ST8SIA1: variants seen among roughly 807,000 people sequenced by gnomAD.
The protein encoded by ST8SIA1 is alpha-N-acetylneuraminide alpha-2,8-sialyltransferase.
Under a neutral mutation model 35.9 loss-of-function variants are expected in ST8SIA1, and 16 were observed. The observed-to-expected ratio is 0.45, with a 90% confidence interval of 0.30 to 0.68. ST8SIA1 has a LOEUF of 0.68. Among genes scored for constraint, ST8SIA1 ranks in the 30% least tolerant of loss-of-function variants. The pLI is 0.09. For missense variants in ST8SIA1, 383 were observed against 453.6 expected (o/e 0.84, Z 1.41); for synonymous variants, 170 against 169.6 (o/e 1.00, Z -0.02).
At chr12:22,217,872 A>C (rs1377425691) in intron 4 of ST8SIA1, among the ~76,000 whole-genome samples, 1 of 152,214 alleles carries the variant, frequency 6.6e-6, no homozygotes, top group Non-Finnish European at 1.5e-5. Context: ...ATTAATAGGA[A>C]ACCACTTCCT....
intron 4 of ST8SIA1, among the ~76,000 whole-genome samples, chr12:22,234,450 T>C (rs1220248901): frequency 6.6e-6 from 1 of 152,160 alleles, no homozygotes; most frequent in Non-Finnish European, 1.5e-5. Context: ...GACAATCATT[T>C]TGCACACATC....
At chr12:22,232,891 T>C (rs1489932881) in intron 4 of ST8SIA1, among the ~76,000 whole-genome samples, 4 of 152,026 alleles carry the variant, frequency 2.6e-5, no homozygotes, top group African/African-American at 7.2e-5. Context: ...CTAAACAGCA[T>C]TGACTTGGAA....
intron 1 of ST8SIA1, among the ~76,000 whole-genome samples, chr12:22,329,755 G>A (rs761909447): frequency 2.6e-5 from 4 of 152,140 alleles, no homozygotes; most frequent in South Asian, 2.1e-4. Context: ...GAAAACAGTC[G>A]TTTGTTCAAA....
rs560705104 is a variant in ST8SIA1, at chr12:22,221,409, G to A, written c.585-19371C>T. Among the ~76,000 whole-genome samples the A allele has an allele frequency of 1.6e-4, 24 of 152,210 alleles. 1 individual carries two copies. The South Asian group carries it at 4.8e-3, about 30-fold the overall frequency. Reference sequence around the variant, plus strand: ...AGGTTGAGATGCAAAAAGAGAAAAAGAACAAAAATCATTTTCCTTCCTATC... The same window carrying A: ...AGGTTGAGATGCAAAAAGAGAAAAAAAACAAAAATCATTTTCCTTCCTATC... On this transcript the variant is annotated intron_variant, in intron 4 of 4. Transcript: ENST00000396037.
Position 22,244,769 on chromosome 12 carries a change from T to C in ST8SIA1, c.584+4237A>G, listed in dbSNP as rs184194243. On this transcript the variant is annotated intron_variant, in intron 4 of 4. Coordinates refer to ENST00000396037, the MANE Select transcript of ST8SIA1 (RefSeq NM_003034.4). Reference sequence around the variant, plus strand: ...GCCCAGCAACTTCATTTTTAGGTCTTAACCACCTGAAAATAATTTTTGGTA... The same window carrying C: ...GCCCAGCAACTTCATTTTTAGGTCTCAACCACCTGAAAATAATTTTTGGTA... 3.0e-4 allele frequency among the ~76,000 whole-genome samples: 46 copies of C among 152,324 alleles called. 1 individual carries two copies. The East Asian group carries it at 7.0e-3, about 23-fold the overall frequency.
intron 2 of ST8SIA1, among the ~76,000 whole-genome samples, chr12:22,263,007 C>T (rs890503630): frequency 7.2e-5 from 11 of 152,058 alleles, no homozygotes; most frequent in Non-Finnish European, 1.3e-4. Flanking sequence ...TCAGAATCCC[C>T]GAAGCAACCA....
chr12:22,286,548 C>A (rs368721091), intron 2 of ST8SIA1: 2 of 516,684 alleles, frequency 3.9e-6, no homozygotes, highest in Non-Finnish European at 7.7e-6. Context: ...TTTCCCTTTT[C>A]CCCCCTCTTG....
chr12:22,215,032 T>C (rs1865220419), intron 4 of ST8SIA1, among the ~76,000 whole-genome samples: 1 of 152,138 alleles, frequency 6.6e-6, no homozygotes, highest in Admixed American at 6.6e-5. Flanking sequence ...GTCCTGTGAA[T>C]TCATTCCCTG....
At chr12:22,265,673 T>A (rs577000961) in intron 2 of ST8SIA1, among the ~76,000 whole-genome samples, 1 of 152,142 alleles carries the variant, frequency 6.6e-6, no homozygotes, top group African/African-American at 2.4e-5. Flanking sequence ...AGCCTAGAAA[T>A]CTCAGAGCCA....
intron 4 of ST8SIA1, among the ~76,000 whole-genome samples, chr12:22,209,599 T>A (rs2120630362): frequency 6.6e-6 from 1 of 152,304 alleles, no homozygotes. Flanking sequence ...TATGCACACC[T>A]ATTGACCCTG....
chr12:22,202,371 G>T (rs1279851961), intron 4 of ST8SIA1, among the ~76,000 whole-genome samples: 1 of 152,180 alleles, frequency 6.6e-6, no homozygotes, highest in Non-Finnish European at 1.5e-5. Context: ...CCTGAAGGTT[G>T]TTGGCTGGGA....
At chr12:22,224,882 C>G (rs192372037) in intron 4 of ST8SIA1, among the ~76,000 whole-genome samples, 16 of 152,240 alleles carry the variant, frequency 1.1e-4, no homozygotes, top group Non-Finnish European at 1.8e-4. Flanking sequence ...GAAACAGGAT[C>G]TTTGTAGATA....
chr12:22,197,755 C>T lies in ST8SIA1; in HGVS notation c.*3797G>A, dbSNP rs893866166. On this transcript the variant is annotated 3_prime_UTR_variant, in exon 5 of 5. Transcript: ENST00000396037. ...TATAGCCTAAACAATTTTTTTTAGCCAAGAGAAAGACATGAGACATCACAA... is the reference window on the plus strand; with the variant it reads ...TATAGCCTAAACAATTTTTTTTAGCTAAGAGAAAGACATGAGACATCACAA... 2 of 151,932 alleles carry T rather than the reference C, an allele frequency of 1.3e-5. No homozygotes were observed. Among genetic ancestry groups the T allele is most frequent in the Non-Finnish European group, 2.9e-5 (2 of 67,994 alleles). The allele number at this position is 151,932 out of a possible 1,614,324, so 9.4% of individuals were successfully genotyped here.
chr12:22,194,104 CTT>C lies in ST8SIA1; in HGVS notation c.*7446_*7447del, dbSNP rs1162628582. 2 of 152,112 alleles carry C rather than the reference CTT, an allele frequency of 1.3e-5. No homozygotes were observed. Among genetic ancestry groups the C allele is most frequent in the Non-Finnish European group, 2.9e-5 (2 of 68,032 alleles). 9.4% of individuals were successfully genotyped at this position (152,112 alleles called of 1,614,324 possible). On this transcript the variant is annotated 3_prime_UTR_variant, in exon 5 of 5. Transcript: ENST00000396037. ...TTTTTGATGGAGCTATATTTGTTCT[CTT>C]CTCTCTAGTGTCTCTATGATGTACC...
rs552213321 is a variant in ST8SIA1 at position 22,257,327 on chromosome 12, T to A, written c.382-1938A>T. 1.2e-4 allele frequency among the ~76,000 whole-genome samples: 18 copies of A among 151,288 alleles called. No homozygotes were observed. In the East Asian group the frequency reaches 3.5e-3, roughly 30 times the overall value. The stretch of plus-strand genomic sequence containing the variant: ...CCGGGATTCAAGCGATTCTCCTGAC[T>A]CAGCCTCTTCAGTAGCTAGGATTAC... On this transcript the variant is annotated intron_variant, in intron 2 of 4. Coordinates refer to ENST00000396037, the MANE Select transcript of ST8SIA1 (RefSeq NM_003034.4).
intron 1 of ST8SIA1, among the ~76,000 whole-genome samples, chr12:22,328,583 T>C (rs1866712313): frequency 6.6e-6 from 1 of 152,098 alleles, no homozygotes; most frequent in East Asian, 1.9e-4. Context: ...AGACCCAGCA[T>C]CTCCTATCCT....
intron 4 of ST8SIA1, among the ~76,000 whole-genome samples, chr12:22,213,667 G>A (rs943482344): frequency 6.6e-6 from 1 of 152,194 alleles, no homozygotes; most frequent in Non-Finnish European, 1.5e-5. Flanking sequence ...AGCCTTGGGA[G>A]CAGCTAGAGG....
At position 22,201,585 on chromosome 12, in the gene ST8SIA1, T is replaced by G; in HGVS notation, c.1038A>C (p.Pro346=). The change falls in exon 5 of 5, where the codon CCA becomes CCC. Residue 346 remains proline, a synonymous_variant. Coordinates refer to ENST00000396037, the MANE Select transcript of ST8SIA1 (RefSeq NM_003034.4). ...TGGGCTGGAGTGAGGTATCTTCACA[T>G]GGGTCCAGCTGCATTCTCAGTGCAC... ...KIGALRMQLD[P]CEDTSLQPTS 1 of 1,613,104 alleles carries G rather than the reference T, an allele frequency of 6.2e-7. No homozygotes were observed. Among genetic ancestry groups the G allele is most frequent in the Admixed American group, 1.7e-5 (1 of 59,984 alleles).
chr12:22,324,750 G>A (rs949394261), intron 1 of ST8SIA1: 2 of 151,586 alleles, frequency 1.3e-5, no homozygotes, highest in African/African-American at 2.4e-5. Context: ...CCTATGCTCA[G>A]CTATACAACA....
Sources: gnomAD v4.1 joint callset for allele counts (sites outside exome capture counted in the v4.1 genomes callset) on GRCh38, gnomAD v4.1.1 for gene constraint, MANE v1.5 for transcripts, NCBI Gene and HGNC (gene_info 2026-07-23, HGNC 2026-07-21) for gene names.